The following TENM2 variants were observed in gnomAD, a reference collection of about 807,000 sequenced individuals.
TENM2 encodes the protein teneurin transmembrane protein 2, also known as teneurin-2.
TENM2 carries 52 observed loss-of-function variants against 245.2 expected under a neutral mutation model. The observed-to-expected ratio is 0.21, with a 90% CI of 0.17 to 0.27. The LOEUF (loss-of-function observed/expected upper bound fraction) is 0.27. Ranked by LOEUF, TENM2 falls within the 10% of genes least tolerant of loss-of-function variation. The pLI is 1.00. For missense variants in TENM2, 3,046 were observed against 3,666.8 expected, an observed-to-expected ratio of 0.83 and a Z score of 4.37; for synonymous variants, 1,363 against 1,438.9, an observed-to-expected ratio of 0.95 and a Z score of 1.19.
chr5:167,472,305 C>A (rs941048866), intron 2 of TENM2, among the ~76,000 whole-genome samples: 1 of 152,128 alleles, frequency 6.6e-6, no homozygotes, highest in African/African-American at 2.4e-5. Context: ...CCCTTTTATA[C>A]CCATTATTGG....
chr5:167,754,936 A>C, intron 2 of TENM2: 1 of 1,377,746 alleles, frequency 7.3e-7, no homozygotes, highest in East Asian at 2.4e-5. Flanking sequence ...ATTGCCTATT[A>C]TGCTTTTCCT....
chr5:167,529,642 TAGAC>T (rs1771363578), intron 2 of TENM2, among the ~76,000 whole-genome samples: 1 of 152,224 alleles, frequency 6.6e-6, no homozygotes, highest in South Asian at 2.1e-4. Flanking sequence ...TATGCTCACT[TAGAC>T]AGTTAATGGG....
At chr5:167,254,635 C>A in the TENM2 span, among the ~76,000 whole-genome samples, 3 of 151,990 alleles carry the variant, frequency 2.0e-5, no homozygotes, top group Admixed American at 6.6e-5. Flanking sequence ...TGACAATAAA[C>A]AAGAAAAAAC....
chr5:167,404,420 A>G (rs552593971), intron 2 of TENM2, among the ~76,000 whole-genome samples: 9 of 152,140 alleles, frequency 5.9e-5, no homozygotes, highest in Non-Finnish European at 1.3e-4. Flanking sequence ...GGCAAATAAT[A>G]TGATTGACTA....
chr5:167,500,416 A>G (rs945937329), intron 2 of TENM2, among the ~76,000 whole-genome samples: 2 of 152,152 alleles, frequency 1.3e-5, no homozygotes, highest in Non-Finnish European at 2.9e-5. Flanking sequence ...TCAGTGCAGT[A>G]TAACTTAAAA....
intron 2 of TENM2, among the ~76,000 whole-genome samples, chr5:167,448,396 T>C (rs927206512): frequency 6.6e-6 from 1 of 151,894 alleles, no homozygotes; most frequent in Non-Finnish European, 1.5e-5. Flanking sequence ...TAAGCGTCTG[T>C]CTGTCTCCAG....
At chr5:167,886,473 C>G (rs1774300514) in intron 3 of TENM2, among the ~76,000 whole-genome samples, 1 of 152,078 alleles carries the variant, frequency 6.6e-6, no homozygotes, top group Non-Finnish European at 1.5e-5. Context: ...AGGAAAAAGC[C>G]AAGACCTGCA....
chr5:167,353,577 G>A (rs376805995), intron 1 of TENM2, among the ~76,000 whole-genome samples: 146 of 125,132 alleles, frequency 1.2e-3, no homozygotes, highest in African/African-American at 3.0e-3. Context: ...GCGGGATCTC[G>A]GCTCACTGCA....
chr5:167,533,033 A>G (rs774011891), intron 2 of TENM2, among the ~76,000 whole-genome samples: 2 of 152,148 alleles, frequency 1.3e-5, no homozygotes, highest in African/African-American at 2.4e-5. Context: ...CAAAATTACA[A>G]TGACCTGATT....
chr5:167,305,042 C>T (rs913531397), intron 1 of TENM2, among the ~76,000 whole-genome samples: 1 of 152,120 alleles, frequency 6.6e-6, no homozygotes, highest in African/African-American at 2.4e-5. Context: ...AGTCTGAAGG[C>T]CCTTCCCTGC....
the TENM2 span, among the ~76,000 whole-genome samples, chr5:166,985,261 A>G: frequency 6.6e-6 from 1 of 152,132 alleles, no homozygotes; most frequent in Non-Finnish European, 1.5e-5. Flanking sequence ...TGGAGACCTA[A>G]GTCAAGGTTT....
intron 13 of TENM2, among the ~76,000 whole-genome samples, chr5:168,179,547 A>C (rs1759673183): frequency 6.6e-6 from 1 of 152,224 alleles, no homozygotes; most frequent in East Asian, 1.9e-4. Context: ...TAACTGTCTT[A>C]GATAAAAGAG....
chr5:167,550,107 A>T (rs975302926), intron 2 of TENM2, among the ~76,000 whole-genome samples: 48 of 152,216 alleles, frequency 3.2e-4, no homozygotes, highest in Non-Finnish European at 5.6e-4. Flanking sequence ...TGCATTTTTT[A>T]AAAAATTAAA....
At chr5:168,172,260 A>G (rs769646287) in intron 13 of TENM2, among the ~76,000 whole-genome samples, 5 of 152,226 alleles carry the variant, frequency 3.3e-5, no homozygotes, top group Non-Finnish European at 7.3e-5. Context: ...ATAGACATTT[A>G]ATGTCCCAGG....
intron 2 of TENM2, among the ~76,000 whole-genome samples, chr5:167,872,791 C>A (rs1361424283): frequency 6.6e-6 from 1 of 152,184 alleles, no homozygotes; most frequent in African/African-American, 2.4e-5. Flanking sequence ...CTTCTATTGT[C>A]TGTATTTGTA....
At chr5:167,695,467 A>G (rs1337881866) in intron 2 of TENM2, among the ~76,000 whole-genome samples, 2 of 152,174 alleles carry the variant, frequency 1.3e-5, no homozygotes, top group African/African-American at 4.8e-5. Context: ...TAGTTTGTAT[A>G]AAAACAATCC....
chr5:167,225,550 A>G, the TENM2 span, among the ~76,000 whole-genome samples: 1 of 151,858 alleles, frequency 6.6e-6, no homozygotes, highest in Non-Finnish European at 1.5e-5. Context: ...TTGATGTGCT[A>G]TTGGATTCAG....
the TENM2 span, among the ~76,000 whole-genome samples, chr5:167,103,969 C>G: frequency 1.3e-5 from 2 of 152,048 alleles, no homozygotes; most frequent in Admixed American, 1.3e-4. Context: ...ATGTCTTTCT[C>G]CTCTATACCG....
chr5:167,587,857 G>A (rs1263176862), intron 2 of TENM2, among the ~76,000 whole-genome samples: 1 of 152,126 alleles, frequency 6.6e-6, no homozygotes, highest in Non-Finnish European at 1.5e-5. Context: ...ATGTCAGAAA[G>A]CATTACTGGG....
Sources: allele counts gnomAD v4.1 joint callset (sites outside exome capture counted in the v4.1 genomes callset), GRCh38; gene constraint gnomAD v4.1.1; transcripts MANE v1.5; gene names NCBI Gene and HGNC (gene_info 2026-07-23, HGNC 2026-07-21).